Variants in FSD2 observed in about 807,000 individuals in gnomAD.
The protein encoded by FSD2 is fibronectin type III and SPRY domain-containing protein 2.
FSD2 carries 71 observed loss-of-function variants against 80.4 expected under a neutral mutation model. The observed-to-expected ratio is 0.88, with a 90% confidence interval of 0.73 to 1.08. The LOEUF (loss-of-function observed/expected upper bound fraction) is 1.08. Among genes scored for constraint, FSD2 ranks in the 50% least tolerant of loss-of-function variants. The pLI is 0.00. For missense variants in FSD2, 923 were observed against 913.8 expected (o/e 1.01, Z -0.13); for synonymous variants, 361 against 329.5 (o/e 1.10, Z -1.03).
intron 7 of FSD2, among the ~76,000 whole-genome samples, chr15:82,770,568 G>A (rs1456605837): frequency 1.3e-5 from 2 of 152,190 alleles, no homozygotes; most frequent in African/African-American, 2.4e-5. Flanking sequence ...CTACTCGGGA[G>A]GCCGAGGCAG....
intron 1 of FSD2, among the ~76,000 whole-genome samples, chr15:82,805,140 A>AT (rs57346494): frequency 0.17 from 22,386 of 131,478 alleles, 2,148 homozygotes; most frequent in Admixed American, 0.21. Flanking sequence ...TCCCCCAATA[A>AT]TTTTTTTTTT....
chr15:82,794,087 G>T (rs1346676168), intron 1 of FSD2, among the ~76,000 whole-genome samples: 2 of 151,490 alleles, frequency 1.3e-5, no homozygotes, highest in African/African-American at 4.9e-5. Context: ...ATTGATTTGA[G>T]ATCTTTCTTC....
At chr15:82,802,923 TGG>T (rs1486577747) in intron 1 of FSD2, among the ~76,000 whole-genome samples, 1 of 152,136 alleles carries the variant, frequency 6.6e-6, no homozygotes, top group African/African-American at 2.4e-5. Flanking sequence ...GCATGGTCTG[TGG>T]TGTTGGGCAT....
intron 11 of FSD2, 145 bp from the exon 12 acceptor site, chr15:82,762,423 C>T: frequency 7.6e-6 from 5 of 656,796 alleles, no homozygotes; most frequent in Non-Finnish European, 1.3e-5. Context: ...TTGTAAAGTA[C>T]CCTTAGCTCT....
In FSD2 at chr15:82,764,532, T is replaced by C. The variant is rs1395786359; in HGVS notation, c.1820+634A>G. Among the ~76,000 whole-genome samples the C allele has an allele frequency of 2.1e-5, 3 of 140,948 alleles. No individual in the cohort carries two copies. The East Asian group carries it at 6.3e-4, about 29-fold the overall frequency. The allele number at this position is 140,948 out of a possible 152,430, so 92.5% of individuals were successfully genotyped here. Reference sequence around the variant, plus strand: ...TTTTTTGAGAAGGAGTCTCACTCTGTTGCCCAGGCTAGAGTGTAGTGGCGC... The same window carrying C: ...TTTTTTGAGAAGGAGTCTCACTCTGCTGCCCAGGCTAGAGTGTAGTGGCGC... On this transcript the variant is annotated intron_variant, in intron 11 of 12. Transcript: ENST00000334574.
At chr15:82,773,081 A>G (rs1374402486) in intron 6 of FSD2, among the ~76,000 whole-genome samples, 1 of 152,162 alleles carries the variant, frequency 6.6e-6, no homozygotes, top group Non-Finnish European at 1.5e-5. Context: ...TCCTGATCTC[A>G]AGTGATCTGC....
chr15:82,772,471 A>G (rs2049605082), intron 6 of FSD2, among the ~76,000 whole-genome samples: 1 of 152,216 alleles, frequency 6.6e-6, no homozygotes. Context: ...GGTCGGTGAC[A>G]GGGACTCAGG....
rs1408045998 is a variant in FSD2 at position 82,757,475 on chromosome 15, G to C, written c.*1873C>G. The C allele has an allele frequency of 3.3e-5, 5 of 150,876 alleles. No homozygotes were observed. The Admixed American group carries it at 3.3e-4, about 10-fold the overall frequency. 9.3% of individuals were successfully genotyped at this position (150,876 alleles called of 1,614,324 possible). ...GCCTCCCGAGTAGCTGGGACTACAG[G>C]CGCCCGCCACCAGTCCCGGCTAATT... On this transcript the variant is annotated 3_prime_UTR_variant, in exon 13 of 13. Transcript: ENST00000334574.
chr15:82,779,718 C>A (rs145583139), intron 5 of FSD2, among the ~76,000 whole-genome samples: 1,588 of 151,580 alleles, frequency 0.01, 7 homozygotes, highest in Non-Finnish European at 0.016. Context: ...AAAATCCCTG[C>A]AGGGATTACA....
chr15:82,780,678 A>G (rs765941266), intron 4 of FSD2, among the ~76,000 whole-genome samples: 20 of 151,792 alleles, frequency 1.3e-4, no homozygotes, highest in Non-Finnish European at 2.5e-4. Flanking sequence ...ATAGATAGAT[A>G]GATATAACTA....
intron 6 of FSD2, among the ~76,000 whole-genome samples, chr15:82,778,127 CATATATATATATATAT>C (rs34527251): frequency 7.1e-5 from 6 of 83,938 alleles, no homozygotes; most frequent in East Asian, 7.3e-4. Context: ...ACAAAAAAAC[CATATATATATATATAT>C]ATATATATAT....
At position 82,786,885 on chromosome 15, in the gene FSD2, TCCTCGGGG is replaced by T; in HGVS notation, c.498_505del (p.Pro167ArgfsTer3). ...ATCAGCAGCTTCTTCTTCATCCTCTTCCTCGGGGATGACATAGCATTCATACTCCTCGC... is the reference window on the plus strand; with the variant it reads ...ATCAGCAGCTTCTTCTTCATCCTCTTATGACATAGCATTCATACTCCTCGC... On this transcript the variant is annotated frameshift_variant, in exon 2 of 13. Coordinates refer to ENST00000334574, the MANE Select transcript of FSD2 (RefSeq NM_001007122.4). LOFTEE classifies it high-confidence loss of function. The T allele has an allele frequency of 5.6e-6, 9 of 1,613,970 alleles. No homozygotes were observed. The highest frequency in any genetic ancestry group is 6.8e-6 in the Non-Finnish European group (8 of 1,179,890).
chr15:82,771,783 CT>C (rs999944821), intron 7 of FSD2, among the ~76,000 whole-genome samples: 2 of 152,244 alleles, frequency 1.3e-5, no homozygotes, highest in Admixed American at 6.5e-5. Flanking sequence ...AGGGGCACCC[CT>C]GGCCCCTCCT....
At position 82,757,493 on chromosome 15, in the gene FSD2, G is replaced by A. The variant is rs932971703; in HGVS notation, c.*1855C>T. 1.4e-5 allele frequency: 2 copies of A among 147,060 alleles called. No individual in the cohort carries two copies. The highest frequency in any genetic ancestry group is 2.5e-5 in the African/African-American group (1 of 39,714). 9.1% of individuals were successfully genotyped at this position (147,060 alleles called of 1,614,324 possible). On this transcript the variant is annotated 3_prime_UTR_variant, in exon 13 of 13. Coordinates refer to ENST00000334574, the MANE Select transcript of FSD2 (RefSeq NM_001007122.4). Reference sequence around the variant, plus strand: ...ACTACAGGCGCCCGCCACCAGTCCCGGCTAATTTTTTTGTATTTTTAGTAG... The same window carrying A: ...ACTACAGGCGCCCGCCACCAGTCCCAGCTAATTTTTTTGTATTTTTAGTAG...
Position 82,762,249 on chromosome 15 carries a change from G to T in FSD2, c.1850C>A (p.Pro617Gln), listed in dbSNP as rs1168466313. The T allele has an allele frequency of 4.3e-6, 7 of 1,613,848 alleles. No individual in the cohort carries two copies. Among genetic ancestry groups the T allele is most frequent in the Non-Finnish European group, 5.1e-6 (6 of 1,179,846 alleles). ...RCVAVMGNLI[P>Q]VRGHHYWEVE... is the part of the protein sequence containing the mutation. ...CTCCCAGTAATGGTGCCCTCGGACTGGAATTAGATTTCCCATGACAGCAAC... is the reference window on the plus strand; with the variant it reads ...CTCCCAGTAATGGTGCCCTCGGACTTGAATTAGATTTCCCATGACAGCAAC... The change falls in exon 12 of 13, where the codon CCA (proline) becomes CAA (glutamine). Residue 617 changes from proline to glutamine, a missense_variant. By Grantham distance (76) the Pro-to-Gln change is moderately conservative. Coordinates refer to ENST00000334574, the MANE Select transcript of FSD2 (RefSeq NM_001007122.4).
At chr15:82,759,668 A>G (rs1342351332) in intron 12 of FSD2, 68 bp from the exon 13 acceptor site, 10 of 1,311,276 alleles carry the variant, frequency 7.6e-6, no homozygotes, top group East Asian at 7.6e-5. Flanking sequence ...AGAACATTTC[A>G]TACTAATTTT....
chr15:82,776,856 A>G (rs1271568505), intron 6 of FSD2, among the ~76,000 whole-genome samples: 1 of 152,220 alleles, frequency 6.6e-6, no homozygotes, highest in Non-Finnish European at 1.5e-5. Context: ...AGTAATTAAG[A>G]CAGTATGGTA....
In FSD2 at chr15:82,771,869, C is replaced by T. The variant is rs113012183; in HGVS notation, c.1267+204G>A. Among the ~76,000 whole-genome samples the T allele has an allele frequency of 3.1e-3, 467 of 152,356 alleles. 3 individuals carry two copies. The highest frequency in any genetic ancestry group is 5.9e-3 in the Non-Finnish European group (402 of 68,020). ...GCTGTAGATATGCTCCAGACCCCTT[C>T]GCCTGGCCTTGCTGTCCTTCCCAGT... On this transcript the variant is annotated intron_variant, in intron 7 of 12. Transcript: ENST00000334574.
chr15:82,777,980 T>C (rs545160816), intron 6 of FSD2, among the ~76,000 whole-genome samples: 25 of 150,076 alleles, frequency 1.7e-4, no homozygotes, highest in Non-Finnish European at 3.4e-4. Flanking sequence ...CCACAAAAAA[T>C]TAAAAATAAG....
Sources: gnomAD v4.1 joint callset for allele counts (sites outside exome capture counted in the v4.1 genomes callset) on GRCh38, gnomAD v4.1.1 for gene constraint, MANE v1.5 for transcripts, NCBI Gene and HGNC (gene_info 2026-07-23, HGNC 2026-07-21) for gene names.